ATP2A1: variants seen among roughly 807,000 people sequenced by gnomAD.
ATP2A1 encodes ATPase sarcoplasmic/endoplasmic reticulum Ca2+ transporting 1, also known as sarcoplasmic/endoplasmic reticulum calcium ATPase 1.
ATP2A1 carries 83 observed loss-of-function variants against 109.5 expected under a neutral mutation model. The ratio of observed to expected loss-of-function variants is 0.76; its 90% CI spans 0.63 to 0.91. The LOEUF (loss-of-function observed/expected upper bound fraction) is 0.91. Among genes scored for constraint, ATP2A1 ranks in the 40% least tolerant of loss-of-function variants. The pLI, the probability that ATP2A1 is intolerant of heterozygous loss-of-function variation, is 0.00. For missense variants in ATP2A1, 1,101 were observed against 1,341.0 expected (o/e 0.82, Z 2.80); for synonymous variants, 505 against 537.6 (o/e 0.94, Z 0.84).
At chr16:28,894,443 G>T in intron 10 of ATP2A1, 62 bp from the exon 11 acceptor site, 1 of 1,510,324 alleles carries the variant, frequency 6.6e-7, no homozygotes, top group Non-Finnish European at 9.1e-7. Context: ...TGCCCTCTCT[G>T]CATCTCATTC....
At chr16:28,879,162 C>T (rs770518938) in intron 2 of ATP2A1, 46 bp downstream of exon 2, 3 of 1,607,946 alleles carry the variant, frequency 1.9e-6, no homozygotes, top group Non-Finnish European at 2.6e-6. Flanking sequence ...CCACCCCCCA[C>T]CCCGCCCTGT....
In ATP2A1 at chr16:28,893,657, T is replaced by G. The variant is rs1374004795; in HGVS notation, c.1096-498T>G. On this transcript the variant is annotated intron_variant, in intron 9 of 22. Coordinates refer to ENST00000395503, the MANE Select transcript of ATP2A1 (RefSeq NM_004320.6). ...CACTCGTTTGTGGGTTTTTTTTTGT[T>G]TTTTTTTTTTTTTTTGAGTTTGGCT... Among the ~76,000 whole-genome samples, 24 of 14,178 alleles carry G rather than the reference T, an allele frequency of 1.7e-3. No individual in the cohort carries two copies. The East Asian group carries it at 0.11, about 67-fold the overall frequency. The allele number at this position is 14,178 out of a possible 152,430, so 9.3% of individuals were successfully genotyped here. A position where few individuals can be genotyped will look rare whatever the true frequency, so the allele number is the denominator to read the frequency against.
In ATP2A1 at chr16:28,879,461, A is replaced by G. The variant is rs201630491; in HGVS notation, c.137-40A>G. The G allele has an allele frequency of 1.2e-4, 191 of 1,586,612 alleles. 1 individual carries two copies. The highest frequency in any genetic ancestry group is 1.5e-4 in the Non-Finnish European group (173 of 1,155,126). The stretch of plus-strand genomic sequence containing the variant: ...GCTCCATCCCAGACCTTCACCCACT[A>G]GACCTTAACCCGGGGCCCTCCCCTT... On this transcript the variant is annotated intron_variant, in intron 2 of 22. Coordinates refer to ENST00000395503, the MANE Select transcript of ATP2A1 (RefSeq NM_004320.6).
chr16:28,886,992 CAA>C (rs559496019), intron 6 of ATP2A1, among the ~76,000 whole-genome samples, 195 bp from the exon 7 acceptor site: 24 of 74,332 alleles, frequency 3.2e-4, no homozygotes, highest in Admixed American at 3.0e-4. Context: ...AACTCTGTCT[CAA>C]AAAAAAAAAA....
intron 9 of ATP2A1, among the ~76,000 whole-genome samples, chr16:28,889,286 T>G (rs1963703117): frequency 6.6e-6 from 1 of 152,160 alleles, no homozygotes; most frequent in African/African-American, 2.4e-5. Context: ...AGACAGAGTC[T>G]CACTCTGTCG....
At chr16:28,895,854 AC>A (rs970834406) in intron 12 of ATP2A1, among the ~76,000 whole-genome samples, 6 of 152,280 alleles carry the variant, frequency 3.9e-5, no homozygotes, top group Non-Finnish European at 8.8e-5. Context: ...ACAGAGGGAG[AC>A]CCTGTCTCCA....
chr16:28,899,119 A>G (rs970695468), intron 14 of ATP2A1, among the ~76,000 whole-genome samples: 3 of 152,250 alleles, frequency 2.0e-5, no homozygotes, highest in Admixed American at 6.5e-5. Flanking sequence ...AATGCCACTC[A>G]GCACATAGGG....
chr16:28,879,675 G>A lies in ATP2A1; in HGVS notation c.219+92G>A, dbSNP rs554451058. ...TCGCAGTCACTGGATCCTCCCGTCC[G>A]AGTCCCGAGCATCCCATTGTACAGA... On this transcript the variant is annotated intron_variant, in intron 3 of 22. Coordinates refer to ENST00000395503, the MANE Select transcript of ATP2A1 (RefSeq NM_004320.6). 2.9e-6 allele frequency: 4 copies of A among 1,400,266 alleles called. No individual in the cohort carries two copies. In the South Asian group the frequency reaches 3.6e-5, roughly 13 times the overall value. The allele number at this position is 1,400,266 out of a possible 1,614,324, so 86.7% of individuals were successfully genotyped here.
rs1567483767 is a variant in ATP2A1, at chr16:28,888,899, C to G, written c.1041C>G (p.Val347=). The change falls in exon 9 of 23, where the codon GTC becomes GTG. Residue 347 remains valine (V), a synonymous_variant. Coordinates refer to ENST00000395503, the MANE Select transcript of ATP2A1 (RefSeq NM_004320.6). ...PSVETLGCTS[V]ICSDKTGTLT... is the part of the protein sequence containing the mutation. ...TAGAGACCCTGGGCTGCACCTCTGTCATCTGTTCCGACAAGACAGGCACCC... is the reference window on the plus strand; with the variant it reads ...TAGAGACCCTGGGCTGCACCTCTGTGATCTGTTCCGACAAGACAGGCACCC... The G allele has an allele frequency of 1.2e-6, 2 of 1,614,064 alleles. No homozygotes were observed. The highest frequency in any genetic ancestry group is 1.7e-6 in the Non-Finnish European group (2 of 1,180,040).
intron 12 of ATP2A1, 108 bp downstream of exon 12, chr16:28,895,061 C>G: frequency 6.6e-7 from 1 of 1,515,554 alleles, no homozygotes; most frequent in Non-Finnish European, 9.0e-7. Context: ...TGCTGGGACC[C>G]CACCCAGGCA....
At chr16:28,900,490 C>T (rs1468533484) in intron 14 of ATP2A1, 91 bp from the exon 15 acceptor site, 4 of 1,218,870 alleles carry the variant, frequency 3.3e-6, no homozygotes, top group Non-Finnish European at 4.4e-6. Context: ...ACTTCCTGAC[C>T]TTTCACCCCA....
chr16:28,893,235 A>G (rs112934281), intron 9 of ATP2A1, among the ~76,000 whole-genome samples: 2,696 of 148,886 alleles, frequency 0.018, 83 homozygotes, highest in African/African-American at 0.061. Context: ...AAAAAAAAAA[A>G]AGAGAGAGAG....
In ATP2A1 at chr16:28,880,779, C is replaced by G; in HGVS notation, c.220-136C>G. The G allele has an allele frequency of 3.7e-6, 3 of 814,024 alleles. No homozygotes were observed. The South Asian group carries it at 4.3e-5, about 12-fold the overall frequency. 50.4% of individuals were successfully genotyped at this position (814,024 alleles called of 1,614,324 possible). A position where few individuals can be genotyped will look rare whatever the true frequency, so the allele number is the denominator to read the frequency against. ...CCCTCAGACGGATGTGGGGCCACAG[C>G]GCCCCGACGGTGCCCGGCCCTCCTG... is the stretch of plus-strand genomic sequence containing the variant. On this transcript the variant is annotated intron_variant, in intron 3 of 22. Transcript: ENST00000395503. The surrounding 1 kb of genome is among the most constrained non-coding windows in gnomAD (Gnocchi z 4.2).
intron 8 of ATP2A1, among the ~76,000 whole-genome samples, chr16:28,888,515 C>T (rs1364541915): frequency 6.6e-6 from 1 of 152,096 alleles, no homozygotes; most frequent in Non-Finnish European, 1.5e-5. Flanking sequence ...TTCAAACAAT[C>T]CTCTTGTCCC....
rs997734031 is a variant in ATP2A1 at position 28,883,930 on chromosome 16, C to T, written c.464-645C>T. Among the ~76,000 whole-genome samples the T allele has an allele frequency of 6.6e-6, 1 of 152,076 alleles. No individual in the cohort carries two copies. Among genetic ancestry groups the T allele is most frequent in the Non-Finnish European group, 1.5e-5 (1 of 68,008 alleles). On this transcript the variant is annotated intron_variant, in intron 5 of 22. Coordinates refer to ENST00000395503, the MANE Select transcript of ATP2A1 (RefSeq NM_004320.6). This position sits in a 1 kb window ranked among gnomAD's most constrained non-coding sequence, Gnocchi z 5.2. Reference sequence around the variant, plus strand: ...TGGTCCTCTCCATGACCACCCTGTGCCCCCCGCTGCCTTGAGTCCTGCCCA... The same window carrying T: ...TGGTCCTCTCCATGACCACCCTGTGTCCCCCGCTGCCTTGAGTCCTGCCCA...
Position 28,898,695 on chromosome 16 carries a change from G to A in ATP2A1, c.1764+244G>A, listed in dbSNP as rs1458101137. ...GAGATGGGAAAAGCGCTTGAGCCCA[G>A]GAGTTCAAGACCAGCCTGGGCAATG... is the stretch of plus-strand genomic sequence containing the variant. On this transcript the variant is annotated intron_variant, in intron 14 of 22. Coordinates refer to ENST00000395503, the MANE Select transcript of ATP2A1 (RefSeq NM_004320.6). The surrounding 1 kb of genome is among the most constrained non-coding windows in gnomAD (Gnocchi z 4.0). Among the ~76,000 whole-genome samples the A allele has an allele frequency of 6.6e-6, 1 of 151,988 alleles. No individual in the cohort carries two copies. Among genetic ancestry groups the A allele is most frequent in the East Asian group, 1.9e-4 (1 of 5,192 alleles).
At position 28,894,223 on chromosome 16, in the gene ATP2A1, T is replaced by C; in HGVS notation, c.1164T>C (p.Thr388=). The C allele has an allele frequency of 6.2e-7, 1 of 1,613,956 alleles. No homozygotes were observed. The highest frequency in any genetic ancestry group is 8.5e-7 in the Non-Finnish European group (1 of 1,179,968). The part of the protein sequence containing the change: ...LLNEFSITGS[T]YAPEGEVLKN... ...ATGAGTTCTCCATCACCGGCTCCAC[T>C]TACGCTCCAGAGGGAGAGGTGTAAG... The change falls in exon 10 of 23, where the codon ACT becomes ACC. Residue 388 remains threonine (T), a synonymous_variant. Coordinates refer to ENST00000395503, the MANE Select transcript of ATP2A1 (RefSeq NM_004320.6).
At chr16:28,904,105 G>A in intron 22 of ATP2A1, 75 bp from the exon 23 acceptor site, 1 of 1,354,020 alleles carries the variant, frequency 7.4e-7, no homozygotes, top group Non-Finnish European at 1.1e-6. Flanking sequence ...GTAAGTGCGT[G>A]CCTGGGAGAT....
In ATP2A1 at chr16:28,888,720, GCCCCTTGCAGGTTCCCTCACACCCT is replaced by G. The variant is rs1025209209; in HGVS notation, c.929-38_929-14del. On this transcript the variant is annotated intron_variant, in intron 8 of 22. Transcript: ENST00000395503. Reference sequence around the variant, plus strand: ...GTGCCCAGCTGGGGGCTACTATTTAGCCCCTTGCAGGTTCCCTCACACCCTCCCCTTGCAGGTTCCCTCACACCCT... The same window carrying G: ...GTGCCCAGCTGGGGGCTACTATTTAGCCCCTTGCAGGTTCCCTCACACCCT... The G allele has an allele frequency of 1.2e-4, 186 of 1,566,736 alleles. No homozygotes were observed. The highest frequency in any genetic ancestry group is 8.9e-4 in the Middle Eastern group (5 of 5,604).
Sources: gnomAD v4.1 joint callset for allele counts (sites outside exome capture counted in the v4.1 genomes callset) on GRCh38, gnomAD v4.1.1 for gene constraint, Gnocchi (gnomAD v3.1) non-coding constraint, MANE v1.5 for transcripts, NCBI Gene and HGNC (gene_info 2026-07-23, HGNC 2026-07-21) for gene names.